Variants in CDKAL1 observed in about 807,000 individuals in gnomAD.
CDKAL1 encodes the protein CDKAL1 threonylcarbamoyladenosine tRNA methylthiotransferase, also known as threonylcarbamoyladenosine tRNA methylthiotransferase.
CDKAL1 carries 32 observed loss-of-function variants against 68.2 expected under a neutral mutation model. The ratio of observed to expected loss-of-function variants is 0.47; its 90% CI spans 0.35 to 0.63. The LOEUF is 0.63. CDKAL1 is among the 30% of genes least tolerant of loss of function. The probability of loss-of-function intolerance (pLI) is 0.00; values close to 1 mark genes in which losing one functional copy is unlikely to be tolerated. For synonymous variants in CDKAL1, 234 were observed against 244.3 expected (o/e 0.96, Z 0.39); for missense variants, 606 against 696.7 (o/e 0.87, Z 1.47).
intron 8 of CDKAL1, among the ~76,000 whole-genome samples, chr6:20,812,012 C>T (rs554583730): frequency 3.6e-4 from 55 of 152,158 alleles, no homozygotes; most frequent in African/African-American, 1.1e-3. Flanking sequence ...TATAGTTTGT[C>T]GACCTCTGGC....
At chr6:21,007,404 G>A (rs1767784360) in intron 11 of CDKAL1, among the ~76,000 whole-genome samples, 2 of 146,368 alleles carry the variant, frequency 1.4e-5, no homozygotes, top group Admixed American at 7.1e-5. Flanking sequence ...CTGAGGTTGA[G>A]CCTGGGAGGC....
chr6:21,147,337 T>C (rs1776225550), intron 13 of CDKAL1, among the ~76,000 whole-genome samples: 1 of 152,208 alleles, frequency 6.6e-6, no homozygotes, highest in African/African-American at 2.4e-5. Flanking sequence ...TTTTAATATT[T>C]GATCATCCAA....
chr6:20,927,448 G>A (rs1294285821), intron 9 of CDKAL1, among the ~76,000 whole-genome samples: 4 of 152,144 alleles, frequency 2.6e-5, no homozygotes, highest in Admixed American at 2.0e-4. Flanking sequence ...AGTGAAGAAC[G>A]GTGAACAAAA....
In CDKAL1 at chr6:20,835,834, G is replaced by T. The variant is rs146188445; in HGVS notation, c.639-10241G>T. ...CAAAGTCCTGGGATTATAGGCATGA[G>T]TCACTGCGCCTGGCCTGGAACCCCT... On this transcript the variant is annotated intron_variant, in intron 8 of 15. Transcript: ENST00000274695. Among the ~76,000 whole-genome samples the T allele has an allele frequency of 2.8e-3, 419 of 152,230 alleles. 3 individuals are homozygous for T. The highest frequency in any genetic ancestry group is 9.1e-3 in the African/African-American group (378 of 41,542).
intron 15 of CDKAL1, among the ~76,000 whole-genome samples, chr6:21,218,393 A>T (rs1173319510): frequency 6.6e-6 from 1 of 152,260 alleles, no homozygotes; most frequent in Non-Finnish European, 1.5e-5. Flanking sequence ...TTAGAAACTT[A>T]AAACAACAAA....
intron 5 of CDKAL1, among the ~76,000 whole-genome samples, chr6:20,688,025 T>A (rs1411521487): frequency 4.0e-5 from 6 of 151,782 alleles, no homozygotes; most frequent in South Asian, 2.1e-4. Flanking sequence ...TCTTTTTTTT[T>A]ATCAACACTT....
chr6:20,569,269 A>G (rs1235739900), intron 4 of CDKAL1, among the ~76,000 whole-genome samples: 1 of 152,224 alleles, frequency 6.6e-6, no homozygotes, highest in Non-Finnish European at 1.5e-5. Context: ...GGTGCTTTAC[A>G]GATTTTGTGA....
At chr6:20,626,705 G>T (rs1225362994) in intron 4 of CDKAL1, among the ~76,000 whole-genome samples, 1 of 152,148 alleles carries the variant, frequency 6.6e-6, no homozygotes, top group African/African-American at 2.4e-5. Flanking sequence ...TAATGGCAGG[G>T]CTATTGTTCT....
chr6:20,549,145 A>G (rs1763718327), intron 4 of CDKAL1, among the ~76,000 whole-genome samples: 1 of 152,104 alleles, frequency 6.6e-6, no homozygotes, highest in African/African-American at 2.4e-5. Context: ...AGTTTCCTCC[A>G]ATCTGTGACA....
At chr6:21,042,888 T>C (rs936361779) in intron 11 of CDKAL1, among the ~76,000 whole-genome samples, 1 of 152,182 alleles carries the variant, frequency 6.6e-6, no homozygotes, top group Non-Finnish European at 1.5e-5. Flanking sequence ...TTGTGATTTG[T>C]TTCTTTCTAC....
At chr6:21,102,093 T>A (rs138089949) in intron 12 of CDKAL1, among the ~76,000 whole-genome samples, 24 of 152,300 alleles carry the variant, frequency 1.6e-4, no homozygotes, top group African/African-American at 5.8e-4. Context: ...ATTTTTTCCA[T>A]TATGTGTTCT....
intron 4 of CDKAL1, among the ~76,000 whole-genome samples, chr6:20,550,048 G>A (rs1250650952): frequency 6.7e-6 from 1 of 148,234 alleles, no homozygotes; most frequent in South Asian, 2.2e-4. Flanking sequence ...TTGTGATCTC[G>A]GCTCACTGCA....
chr6:20,632,960 G>C (rs1767739016), intron 4 of CDKAL1, among the ~76,000 whole-genome samples: 1 of 152,182 alleles, frequency 6.6e-6, no homozygotes, highest in Non-Finnish European at 1.5e-5. Context: ...AGGGCAGACA[G>C]GTGGAAGATA....
At chr6:21,138,441 C>G (rs116575453) in intron 13 of CDKAL1, among the ~76,000 whole-genome samples, 1 of 152,308 alleles carries the variant, frequency 6.6e-6, no homozygotes, top group African/African-American at 2.4e-5. Context: ...GCTTTGCAGC[C>G]AAGTGAACCT....
Position 21,109,064 on chromosome 6 carries a change from C to A in CDKAL1, c.1299+601C>A, listed in dbSNP as rs956089494. Among the ~76,000 whole-genome samples the A allele has an allele frequency of 4.6e-5, 7 of 152,254 alleles. No individual in the cohort carries two copies. The South Asian group carries it at 1.5e-3, about 32-fold the overall frequency. ...TCATGTTTGAAAAATTCCTAGACATCTTTTCACTTGTAAGTATTTTACAAT... is the reference window on the plus strand; with the variant it reads ...TCATGTTTGAAAAATTCCTAGACATATTTTCACTTGTAAGTATTTTACAAT... On this transcript the variant is annotated intron_variant, in intron 13 of 15. Transcript: ENST00000274695.
At chr6:20,837,989 C>T (rs1158362051) in intron 8 of CDKAL1, among the ~76,000 whole-genome samples, 3 of 118,258 alleles carry the variant, frequency 2.5e-5, no homozygotes, top group Non-Finnish European at 3.7e-5. Context: ...GTGTATACTT[C>T]TATGTATATG....
intron 10 of CDKAL1, among the ~76,000 whole-genome samples, chr6:20,997,168 G>A (rs889060395): frequency 6.6e-6 from 1 of 152,180 alleles, no homozygotes; most frequent in Non-Finnish European, 1.5e-5. Context: ...GTAGCATTCA[G>A]TTCTGGAGAT....
At chr6:20,606,776 T>G (rs961375174) in intron 4 of CDKAL1, among the ~76,000 whole-genome samples, 4 of 152,246 alleles carry the variant, frequency 2.6e-5, no homozygotes, top group Admixed American at 2.0e-4. Context: ...AAAATCTATT[T>G]CAATTCAGGG....
chr6:20,537,887 CTCTATCAG>C (rs3060613), intron 2 of CDKAL1, among the ~76,000 whole-genome samples: 124,408 of 151,432 alleles, frequency 0.82, 51,682 homozygotes, highest in African/African-American at 0.95. Context: ...AAACAATTCC[CTCTATCAG>C]TCTATCAGTT....
Sources: allele counts gnomAD v4.1 joint callset (sites outside exome capture counted in the v4.1 genomes callset), GRCh38; gene constraint gnomAD v4.1.1; transcripts MANE v1.5; gene names NCBI Gene and HGNC (gene_info 2026-07-23, HGNC 2026-07-21).